ECHDC1: variants seen among roughly 807,000 people sequenced by gnomAD.
ECHDC1 encodes ethylmalonyl-CoA decarboxylase 1, also known as ethylmalonyl-CoA decarboxylase.
A neutral mutation model predicts 29.7 loss-of-function variants in ECHDC1; 29 were observed. That is an observed-to-expected ratio of 0.98 (90% CI 0.73 to 1.33). The LOEUF (loss-of-function observed/expected upper bound fraction) is 1.33. Ranked by LOEUF, ECHDC1 falls within the 40% of genes most tolerant of loss-of-function variation. The probability of loss-of-function intolerance (pLI) is 0.00; values close to 1 mark genes in which losing one functional copy is unlikely to be tolerated. For missense variants in ECHDC1, 328 were observed against 350.0 expected, an observed-to-expected ratio of 0.94 and a Z score of 0.50; for synonymous variants, 126 against 123.1, an observed-to-expected ratio of 1.02 and a Z score of -0.15.
At chr6:127,315,116 C>T (rs1389478518) in intron 4 of ECHDC1, 2 of 672,382 alleles carry the variant, frequency 3.0e-6, no homozygotes, top group African/African-American at 3.5e-5. Flanking sequence ...ATAAATGCCA[C>T]ATAAGTTCAT....
At chr6:127,315,738 T>C (rs1011399440) in intron 4 of ECHDC1, 2 of 344,644 alleles carry the variant, frequency 5.8e-6, no homozygotes, top group Admixed American at 8.7e-5. Flanking sequence ...TATTTTAGAA[T>C]AGTAATGTTA....
At chr6:127,337,075 CT>C (rs1784487959) in intron 1 of ECHDC1, among the ~76,000 whole-genome samples, 1 of 150,462 alleles carries the variant, frequency 6.6e-6, no homozygotes, top group Non-Finnish European at 1.5e-5. Context: ...TTATTTAACC[CT>C]GTATATTGTG....
At chr6:127,332,156 C>A in intron 1 of ECHDC1, among the ~76,000 whole-genome samples, 1 of 152,146 alleles carries the variant, frequency 6.6e-6, no homozygotes, top group Non-Finnish European at 1.5e-5. Flanking sequence ...TCTGTGTCAC[C>A]TTTCAGTCAA....
chr6:127,297,934 G>C (rs966184268), intron 5 of ECHDC1, among the ~76,000 whole-genome samples: 14 of 152,114 alleles, frequency 9.2e-5, no homozygotes, highest in African/African-American at 3.4e-4. Context: ...ATGCTCCTTA[G>C]TTTTCTTGAT....
At chr6:127,331,098 T>C in intron 1 of ECHDC1, 68 bp from the exon 2 acceptor site, 1 of 1,207,694 alleles carries the variant, frequency 8.3e-7, no homozygotes, top group Non-Finnish European at 1.2e-6. Flanking sequence ...TATTATGTGT[T>C]AATAGGCTGT....
At chr6:127,308,920 T>C (rs1181937663) in intron 5 of ECHDC1, among the ~76,000 whole-genome samples, 2 of 152,064 alleles carry the variant, frequency 1.3e-5, no homozygotes, top group Non-Finnish European at 1.5e-5. Context: ...ATGTCTATAA[T>C]GAAAACTATA....
At chr6:127,330,049 A>T in intron 2 of ECHDC1, among the ~76,000 whole-genome samples, 1 of 152,214 alleles carries the variant, frequency 6.6e-6, no homozygotes, top group East Asian at 1.9e-4. Context: ...GCTACTAAAG[A>T]TTATAATCAT....
intron 3 of ECHDC1, among the ~76,000 whole-genome samples, chr6:127,325,813 G>A (rs1358710057): frequency 1.3e-5 from 2 of 151,834 alleles, no homozygotes; most frequent in South Asian, 2.1e-4. Context: ...CAACCTTCCC[G>A]CCTCAGCCTC....
chr6:127,292,845 CTT>C (rs1363673443), intron 5 of ECHDC1, among the ~76,000 whole-genome samples: 2 of 151,972 alleles, frequency 1.3e-5, no homozygotes, highest in African/African-American at 4.8e-5. Context: ...AGACTTAGCT[CTT>C]ATAATTTTGA....
chr6:127,315,420 C>T lies in ECHDC1; in HGVS notation c.417-524G>A, dbSNP rs891638367. 1.5e-5 allele frequency: 4 copies of T among 273,356 alleles called. No individual in the cohort carries two copies. In the South Asian group the frequency reaches 1.5e-4, roughly 10 times the overall value. The allele number at this position is 273,356 out of a possible 1,614,324, so 16.9% of individuals were successfully genotyped here. ...ACTCATTGTTGCCTGAAATAATCCACAGACTAATCCTATATAAAGGCATGA... is the reference window on the plus strand; with the variant it reads ...ACTCATTGTTGCCTGAAATAATCCATAGACTAATCCTATATAAAGGCATGA... On this transcript the variant is annotated intron_variant, in intron 4 of 5. Coordinates refer to ENST00000454859, the MANE Select transcript of ECHDC1 (RefSeq NM_001002030.2).
intron 4 of ECHDC1, chr6:127,315,772 T>C (rs1782314113): frequency 2.7e-6 from 1 of 375,736 alleles, no homozygotes; most frequent in African/African-American, 2.1e-5. Context: ...CTCTCTAGAC[T>C]CTCAGATACA....
intron 3 of ECHDC1, among the ~76,000 whole-genome samples, chr6:127,322,012 A>G (rs1294189544): frequency 6.6e-6 from 1 of 151,856 alleles, no homozygotes; most frequent in African/African-American, 2.4e-5. Context: ...CAAAATAAAC[A>G]AACAAAAAAG....
At chr6:127,300,562 G>C (rs913032539) in intron 5 of ECHDC1, among the ~76,000 whole-genome samples, 1 of 152,202 alleles carries the variant, frequency 6.6e-6, no homozygotes, top group African/African-American at 2.4e-5. Flanking sequence ...AGAGGAACTT[G>C]ACTCACCACT....
intron 1 of ECHDC1, among the ~76,000 whole-genome samples, chr6:127,340,629 T>C (rs1207378248): frequency 6.6e-6 from 1 of 151,900 alleles, no homozygotes; most frequent in African/African-American, 2.4e-5. Flanking sequence ...GGTATGAAGA[T>C]ACAACCCAAT....
intron 5 of ECHDC1, among the ~76,000 whole-genome samples, chr6:127,293,253 G>A (rs1780340681): frequency 6.6e-6 from 1 of 152,070 alleles, no homozygotes; most frequent in South Asian, 2.1e-4. Context: ...TACTAAAATA[G>A]GAAGTTTTTA....
chr6:127,305,959 T>A (rs1484490279), intron 5 of ECHDC1, among the ~76,000 whole-genome samples: 7 of 149,360 alleles, frequency 4.7e-5, no homozygotes, highest in African/African-American at 1.7e-4. Flanking sequence ...AATAATAATA[T>A]TGAATGTACA....
At chr6:127,315,154 T>C (rs748949247) in intron 4 of ECHDC1, 6 of 610,620 alleles carry the variant, frequency 9.8e-6, no homozygotes. Flanking sequence ...TCATTATATA[T>C]TTTTAAGCTA....
chr6:127,317,772 T>G (rs1435563868), intron 3 of ECHDC1: 1 of 152,204 alleles, frequency 6.6e-6, no homozygotes, highest in Non-Finnish European at 1.5e-5. Context: ...CCCTCGGATC[T>G]ACCTTAGAAA....
At chr6:127,317,995 A>T (rs1782538197) in intron 3 of ECHDC1, 1 of 152,198 alleles carries the variant, frequency 6.6e-6, no homozygotes, top group Non-Finnish European at 1.5e-5. Flanking sequence ...TTCCTAACTG[A>T]TTTCTGTATT....
Sources: gnomAD v4.1 joint callset for allele counts (sites outside exome capture counted in the v4.1 genomes callset) on GRCh38, gnomAD v4.1.1 for gene constraint, MANE v1.5 for transcripts, NCBI Gene and HGNC (gene_info 2026-07-23, HGNC 2026-07-21) for gene names.